Variants in PHEX observed in about 807,000 individuals in gnomAD.
PHEX encodes the protein phosphate regulating endopeptidase X-linked.
Under a neutral mutation model 68.0 loss-of-function variants are expected in PHEX, and 16 were observed. That is an observed-to-expected ratio of 0.24 (90% confidence interval 0.16 to 0.36). The LOEUF (loss-of-function observed/expected upper bound fraction) is 0.36. PHEX is among the 10% of genes least tolerant of loss of function. The pLI, the probability that PHEX is intolerant of heterozygous loss-of-function variation, is 1.00. For synonymous variants in PHEX, 208 were observed against 205.1 expected (o/e 1.01, Z -0.12); for missense variants, 480 against 575.5 (o/e 0.83, Z 1.70).
intron 20 of PHEX, among the ~76,000 whole-genome samples, chrX:22,237,177 T>TG (rs959484513): frequency 2.7e-5 from 3 of 111,916 alleles, no homozygotes; most frequent in African/African-American, 9.7e-5. Context: ...GTCTCTTAAG[T>TG]GATATATTAA....
intron 15 of PHEX, among the ~76,000 whole-genome samples, chrX:22,196,779 G>C: frequency 8.9e-6 from 1 of 112,162 alleles, no homozygotes; most frequent in Non-Finnish European, 1.9e-5. Flanking sequence ...TATCTTTGCT[G>C]TTATACACAA....
At chrX:22,118,531 G>C (rs1931344730) in intron 11 of PHEX, among the ~76,000 whole-genome samples, 1 of 109,809 alleles carries the variant, frequency 9.1e-6, no homozygotes, top group African/African-American at 3.3e-5. Context: ...CCTGCGTTAG[G>C]ACCTCCAGGC....
At chrX:22,089,482 G>A (rs373435156) in intron 5 of PHEX, among the ~76,000 whole-genome samples, 1 of 107,689 alleles carries the variant, frequency 9.3e-6, no homozygotes, top group African/African-American at 3.4e-5. Context: ...GTGTAGTGGC[G>A]TGATCTCTGC....
chrX:22,090,351 C>T lies in PHEX; in HGVS notation c.664-78C>T, dbSNP rs1929824062. 3.1e-5 allele frequency: 25 copies of T among 796,696 alleles called. No homozygotes were observed. The South Asian group carries it at 4.8e-4, about 15-fold the overall frequency. The allele number at this position is 796,696 out of a possible 1,213,427, so 65.7% of individuals were successfully genotyped here. On this transcript the variant is annotated intron_variant, in intron 5 of 21. Transcript: ENST00000379374. Reference sequence around the variant, plus strand: ...GCTCAAAATATGGCTGGGATGCAGACGATTTCATCACTCTTGTTAACATGG... The same window carrying T: ...GCTCAAAATATGGCTGGGATGCAGATGATTTCATCACTCTTGTTAACATGG...
intron 5 of PHEX, among the ~76,000 whole-genome samples, chrX:22,087,454 G>A (rs759676226): frequency 9.0e-6 from 1 of 111,505 alleles, no homozygotes; most frequent in Non-Finnish European, 1.9e-5. Flanking sequence ...GACAAGATGG[G>A]TGTTTTGAAA....
chrX:22,086,969 T>G (rs1464080592), intron 5 of PHEX, among the ~76,000 whole-genome samples: 1 of 112,362 alleles, frequency 8.9e-6, no homozygotes, highest in Non-Finnish European at 1.9e-5. Flanking sequence ...CCTGATTGCT[T>G]CATGAGAAAG....
chrX:22,238,466 C>T (rs755717222), intron 20 of PHEX, among the ~76,000 whole-genome samples: 29 of 111,783 alleles, frequency 2.6e-4, no homozygotes, highest in Non-Finnish European at 4.0e-4. Flanking sequence ...CTTACAGTAC[C>T]GGGCTCGGTG....
At position 22,092,595 on chromosome X, in the gene PHEX, A is replaced by C. The variant is rs1329980128; in HGVS notation, c.733-1388A>C. On this transcript the variant is annotated intron_variant, in intron 6 of 21. Transcript: ENST00000379374. The stretch of plus-strand genomic sequence containing the variant: ...ACCATGTTGGCCAGGCTGGTCCCAA[A>C]CTCCTGGCCTCAAGTGATCTGCCCA... 2.8e-5 allele frequency among the ~76,000 whole-genome samples: 3 copies of C among 109,038 alleles called. No homozygotes were observed. The East Asian group carries it at 8.7e-4, about 31-fold the overall frequency. 94.7% of individuals were successfully genotyped at this position (109,038 alleles called of 115,157 possible). A position where few individuals can be genotyped will look rare whatever the true frequency, so the allele number is the denominator to read the frequency against.
intron 3 of PHEX, among the ~76,000 whole-genome samples, chrX:22,051,441 G>C (rs1235629922): frequency 9.0e-6 from 1 of 111,350 alleles, no homozygotes; most frequent in African/African-American, 3.3e-5. Flanking sequence ...TGAGGCAGGA[G>C]AATCGCTTGA....
chrX:22,166,678 A>G (rs1211803253), intron 12 of PHEX, among the ~76,000 whole-genome samples: 1 of 111,347 alleles, frequency 9.0e-6, no homozygotes, highest in Non-Finnish European at 1.9e-5. Context: ...TCTAGTGTAC[A>G]ATACATTGAT....
chrX:22,145,475 G>C (rs1932653928), intron 12 of PHEX, among the ~76,000 whole-genome samples: 1 of 111,282 alleles, frequency 9.0e-6, no homozygotes, highest in Non-Finnish European at 1.9e-5. Flanking sequence ...AATTAGCCAG[G>C]CATGGTGTCA....
chrX:22,126,505 A>T (rs1202379079), intron 11 of PHEX, among the ~76,000 whole-genome samples: 2 of 112,200 alleles, frequency 1.8e-5, no homozygotes, highest in Non-Finnish European at 3.8e-5. Context: ...CAAATGTATT[A>T]ATAGAACCAT....
chrX:22,249,206 A>AGTGTGTGTGTGTGTGTGT lies in PHEX; in HGVS notation c.*1254_*1255insTGTGTGTGTGTGTGTGTG, dbSNP rs1185557892. 2 of 51,765 alleles carry AGTGTGTGTGTGTGTGTGT rather than the reference A, an allele frequency of 3.9e-5. No homozygotes were observed. Among genetic ancestry groups the AGTGTGTGTGTGTGTGTGT allele is most frequent in the African/African-American group, 3.3e-4 (2 of 6,076 alleles). The allele number at this position is 51,765 out of a possible 1,213,427, so 4.3% of individuals were successfully genotyped here. ...TAAGTGAACTCCTTTCTTATTACTG[A>AGTGTGTGTGTGTGTGTGT]GCGTGTGTGTGTGTGTGTGTGTGTG... On this transcript the variant is annotated 3_prime_UTR_variant, in exon 22 of 22. Coordinates refer to ENST00000379374, the MANE Select transcript of PHEX (RefSeq NM_000444.6).
intron 13 of PHEX, chrX:22,171,848 A>G (rs1248798050): frequency 2.7e-5 from 3 of 111,801 alleles, no homozygotes; most frequent in Admixed American, 9.5e-5. Flanking sequence ...TCTGAGCATG[A>G]GAGGCTGTTA....
chrX:22,140,275 C>T (rs979092680), intron 12 of PHEX, among the ~76,000 whole-genome samples: 10 of 110,000 alleles, frequency 9.1e-5, no homozygotes, highest in Non-Finnish European at 1.5e-4. Context: ...ACTAGGACAC[C>T]CAGAACCCAG....
At chrX:22,206,356 T>C (rs1333430199) in intron 15 of PHEX, among the ~76,000 whole-genome samples, 2 of 111,918 alleles carry the variant, frequency 1.8e-5, no homozygotes, top group Non-Finnish European at 3.8e-5. Context: ...CAGAATCAGT[T>C]AATTCAACAA....
chrX:22,115,889 G>C (rs2147067208), intron 11 of PHEX, among the ~76,000 whole-genome samples: 1 of 112,204 alleles, frequency 8.9e-6, no homozygotes, highest in Admixed American at 9.4e-5. Context: ...CCATATCTTG[G>C]CTATTATGAA....
intron 14 of PHEX, among the ~76,000 whole-genome samples, chrX:22,189,666 C>A (rs1449257851): frequency 2.7e-5 from 3 of 112,193 alleles, no homozygotes; most frequent in Non-Finnish European, 3.8e-5. Context: ...TAAGTACCTA[C>A]GTAATATCCT....
chrX:22,114,901 T>A (rs1931166452), intron 11 of PHEX, among the ~76,000 whole-genome samples: 1 of 111,586 alleles, frequency 9.0e-6, no homozygotes, highest in Admixed American at 9.5e-5. Context: ...TTTGAGGTAT[T>A]GAATTTAAAG....
Sources: allele counts gnomAD v4.1 joint callset (sites outside exome capture counted in the v4.1 genomes callset), GRCh38; gene constraint gnomAD v4.1.1; transcripts MANE v1.5; gene names NCBI Gene and HGNC (gene_info 2026-07-23, HGNC 2026-07-21).